The following COL23A1 variants were observed in gnomAD, a reference collection of about 807,000 sequenced individuals.
COL23A1 encodes collagen type XXIII alpha 1 chain, also known as collagen alpha-1(XXIII) chain.
Under a neutral mutation model 99.3 loss-of-function variants are expected in COL23A1, and 97 were observed. The ratio of observed to expected loss-of-function variants is 0.98; its 90% CI spans 0.83 to 1.16. The LOEUF is 1.16. COL23A1 is among the 50% of genes most tolerant of loss of function. The pLI is 0.00. For missense variants in COL23A1, 762 were observed against 757.4 expected (o/e 1.01, Z -0.07); for synonymous variants, 320 against 308.2 (o/e 1.04, Z -0.40).
chr5:178,500,424 C>CAAAAA (rs770679841), intron 2 of COL23A1, among the ~76,000 whole-genome samples: 5 of 65,502 alleles, frequency 7.6e-5, no homozygotes, highest in Admixed American at 2.2e-4. Context: ...CCCATCTCTA[C>CAAAAA]AAAAAAAAAA....
intron 2 of COL23A1, among the ~76,000 whole-genome samples, chr5:178,389,719 C>T (rs1047502264): frequency 6.6e-6 from 1 of 152,208 alleles, no homozygotes; most frequent in Non-Finnish European, 1.5e-5. Context: ...TTTTGTTCTT[C>T]ATTTAGTGAC....
intron 2 of COL23A1, among the ~76,000 whole-genome samples, chr5:178,467,305 C>T (rs1478949434): frequency 6.6e-6 from 1 of 152,182 alleles, no homozygotes; most frequent in African/African-American, 2.4e-5. Context: ...GGGTCTTGCC[C>T]TTCCCTGCCC....
intron 2 of COL23A1, among the ~76,000 whole-genome samples, chr5:178,377,754 CAG>C (rs1763156690): frequency 6.6e-6 from 1 of 152,210 alleles, no homozygotes; most frequent in East Asian, 1.9e-4. Context: ...AGGTGCAGGG[CAG>C]GCCGAGGGGA....
chr5:178,265,434 GC>G (rs889965205), intron 8 of COL23A1, among the ~76,000 whole-genome samples: 19 of 152,276 alleles, frequency 1.2e-4, no homozygotes, highest in African/African-American at 4.6e-4. Context: ...TTTATAAAGG[GC>G]CTCAGGCTGG....
intron 2 of COL23A1, among the ~76,000 whole-genome samples, chr5:178,322,641 C>T (rs945713637): frequency 1.3e-5 from 2 of 151,978 alleles, no homozygotes; most frequent in Non-Finnish European, 2.9e-5. Context: ...GAAGATGAGC[C>T]GAGGTAACCG....
At chr5:178,287,987 C>T (rs979547894) in intron 5 of COL23A1, among the ~76,000 whole-genome samples, 4 of 152,214 alleles carry the variant, frequency 2.6e-5, no homozygotes, top group Admixed American at 6.5e-5. Context: ...GAGTCCTCTG[C>T]CCACTGGGAA....
At chr5:178,290,781 A>T (rs933730254) in intron 3 of COL23A1, among the ~76,000 whole-genome samples, 2 of 152,140 alleles carry the variant, frequency 1.3e-5, no homozygotes, top group African/African-American at 4.8e-5. Flanking sequence ...TACTGGGAGG[A>T]ATGGCAAATG....
Position 178,249,114 on chromosome 5 carries a change from T to C in COL23A1, c.1149+3A>G. 1 of 1,614,018 alleles carries C rather than the reference T, an allele frequency of 6.2e-7. No homozygotes were observed. Among genetic ancestry groups the C allele is most frequent in the East Asian group, 2.2e-5 (1 of 44,872 alleles). ...TAATGTGTGGCCCAACCCAGCCACA[T>C]ACCGGGAGGCCGGACAAGCCCATCT... On this transcript the variant is annotated splice_donor_region_variant and intron_variant, in intron 19 of 28. Coordinates refer to ENST00000390654, the MANE Select transcript of COL23A1 (RefSeq NM_173465.4).
chr5:178,376,243 T>A (rs1010442872), intron 2 of COL23A1, among the ~76,000 whole-genome samples: 1 of 152,266 alleles, frequency 6.6e-6, no homozygotes, highest in Non-Finnish European at 1.5e-5. Context: ...TAAACGGGCA[T>A]GCCATCGGAT....
intron 2 of COL23A1, among the ~76,000 whole-genome samples, chr5:178,445,840 T>C (rs2127849347): frequency 6.6e-6 from 1 of 152,042 alleles, no homozygotes; most frequent in African/African-American, 2.4e-5. Flanking sequence ...TTAAGTGAAA[T>C]TGAAAGGCAG....
At chr5:178,583,190 G>A (rs563461417) in intron 1 of COL23A1, among the ~76,000 whole-genome samples, 25 of 152,332 alleles carry the variant, frequency 1.6e-4, no homozygotes, top group Admixed American at 3.3e-4. Flanking sequence ...CACTGCTACC[G>A]ATAAACCCAA....
rs201802684 is a variant in COL23A1, at chr5:178,242,361, G to A, written c.1474C>T (p.Arg492Trp). Residue 492 changes from arginine to tryptophan, a missense_variant, in exon 26 of 29, where the codon CGG becomes TGG. By Grantham distance (101) the Arg-to-Trp change is moderately radical. Transcript: ENST00000390654. Reference protein sequence around the residue: ...FPGPRGEKGDRSERGEKGERG... With the variant: ...FPGPRGEKGDWSERGEKGERG... ...CTCACCTTCTCTCCACGCTCGCTCC[G>A]ATCACCTTTCTCTCCTCGGGGTCCA... is the stretch of plus-strand genomic sequence containing the variant. 17 of 1,613,998 alleles carry A rather than the reference G, an allele frequency of 1.1e-5. No individual in the cohort carries two copies. In the East Asian group the frequency reaches 1.1e-4, roughly 11 times the overall value.
intron 2 of COL23A1, among the ~76,000 whole-genome samples, chr5:178,349,660 G>T (rs1479474221): frequency 6.6e-6 from 1 of 151,984 alleles, no homozygotes; most frequent in Admixed American, 6.6e-5. Context: ...TGTCTCCCTT[G>T]GGGGGAGCCC....
At chr5:178,586,572 GCTA>G (rs1764016756) in intron 1 of COL23A1, among the ~76,000 whole-genome samples, 1 of 147,158 alleles carries the variant, frequency 6.8e-6, no homozygotes, top group African/African-American at 2.5e-5. Context: ...TTCTAAACAT[GCTA>G]CTATTATTAT....
intron 2 of COL23A1, among the ~76,000 whole-genome samples, chr5:178,416,022 T>C (rs1424262100): frequency 1.3e-5 from 2 of 151,972 alleles, no homozygotes; most frequent in Non-Finnish European, 2.9e-5. Flanking sequence ...CCAGAAACAG[T>C]AGGCCAAGTC....
intron 2 of COL23A1, among the ~76,000 whole-genome samples, chr5:178,380,687 T>C (rs1403401447): frequency 6.6e-6 from 1 of 152,182 alleles, no homozygotes; most frequent in Non-Finnish European, 1.5e-5. Flanking sequence ...AGCACGGCCC[T>C]GGCTAAGAGG....
chr5:178,368,546 C>T (rs998233571), intron 2 of COL23A1, among the ~76,000 whole-genome samples: 4 of 152,216 alleles, frequency 2.6e-5, no homozygotes, highest in Non-Finnish European at 5.9e-5. Flanking sequence ...GCTATAGTAT[C>T]ACACGGAGTA....
rs1245140901 is a variant in COL23A1, at chr5:178,313,687, T to C, written c.362-6768A>G. 6.6e-6 allele frequency among the ~76,000 whole-genome samples: 1 copy of C among 152,204 alleles called. No individual in the cohort carries two copies. Among genetic ancestry groups the C allele is most frequent in the Non-Finnish European group, 1.5e-5 (1 of 68,036 alleles). On this transcript the variant is annotated intron_variant, in intron 2 of 28. Coordinates refer to ENST00000390654, the MANE Select transcript of COL23A1 (RefSeq NM_173465.4). The surrounding 1 kb of genome is among the most constrained non-coding windows in gnomAD (Gnocchi z 4.2). The stretch of plus-strand genomic sequence containing the variant: ...CACGTGTCGAGTGTCCCTTCAGACC[T>C]GGTCCTTCTCAACACCACTGGAAGC...
In COL23A1 at chr5:178,309,564, G is replaced by A. The variant is rs58093878; in HGVS notation, c.362-2645C>T. ...ACAAGCGGTCTACCCTTTATTCTGA[G>A]CTCTGTACCTAAATGTCCAACTCCA... On this transcript the variant is annotated intron_variant, in intron 2 of 28. Transcript: ENST00000390654. The surrounding 1 kb of genome is among the most constrained non-coding windows in gnomAD (Gnocchi z 4.7). Among the ~76,000 whole-genome samples the A allele has an allele frequency of 0.023, 3,486 of 152,052 alleles. 131 individuals carry two copies. Among genetic ancestry groups the A allele is most frequent in the African/African-American group, 0.08 (3,314 of 41,428 alleles).
Sources: gnomAD v4.1 joint callset for allele counts (sites outside exome capture counted in the v4.1 genomes callset) on GRCh38, gnomAD v4.1.1 for gene constraint, Gnocchi (gnomAD v3.1) non-coding constraint, MANE v1.5 for transcripts, NCBI Gene and HGNC (gene_info 2026-07-23, HGNC 2026-07-21) for gene names.